The following SETD2 variants were observed in gnomAD, a reference collection of about 807,000 sequenced individuals.
The protein encoded by SETD2 is histone-lysine N-methyltransferase SETD2.
A neutral mutation model predicts 242.1 loss-of-function variants in SETD2; 31 were observed. That is an observed-to-expected ratio of 0.13 (90% CI 0.10 to 0.17). The LOEUF (loss-of-function observed/expected upper bound fraction) is 0.17, where lower values mean the gene tolerates loss of function less well. SETD2 is among the 10% of genes least tolerant of loss of function. The pLI, the probability that SETD2 is intolerant of heterozygous loss-of-function variation, is 1.00. For synonymous variants in SETD2, 1,006 were observed against 1,066.5 expected, an observed-to-expected ratio of 0.94 and a Z score of 1.11; for missense variants, 2,481 against 3,046.3, an observed-to-expected ratio of 0.81 and a Z score of 4.37.
chr3:47,029,314 T>A (rs1050066708), intron 18 of SETD2, among the ~76,000 whole-genome samples: 1 of 151,846 alleles, frequency 6.6e-6, no homozygotes, highest in East Asian at 1.9e-4. Flanking sequence ...TGCTTTGGCA[T>A]CCCAAAGTGC....
At position 47,084,211 on chromosome 3, in the gene SETD2, T is replaced by A; in HGVS notation, c.5569A>T (p.Thr1857Ser). 1.2e-6 allele frequency: 2 copies of A among 1,614,118 alleles called. No homozygotes were observed. The highest frequency in any genetic ancestry group is 1.7e-6 in the Non-Finnish European group (2 of 1,180,012). ...NTSRAHTPLN[T>S]PDPSTKLSTE... ...CTCAGCTTGGTGGAAGGATCAGGTG[T>A]GTTGAGTGGTGTATGAGCACGCGAT... Residue 1857 changes from threonine to serine, a missense_variant, in exon 12 of 21, where the codon ACA (threonine) becomes TCA (serine). By Grantham distance (58) the Thr-to-Ser change is moderately conservative. Transcript: ENST00000409792.
chr3:47,162,957 T>A (rs543288833), intron 1 of SETD2, among the ~76,000 whole-genome samples: 2 of 152,194 alleles, frequency 1.3e-5, no homozygotes, highest in Non-Finnish European at 2.9e-5. Flanking sequence ...GTGTGTCGGT[T>A]TTCCACAACA....
At position 47,130,876 on chromosome 3, in the gene SETD2, T is replaced by A. The variant is rs1034761417; in HGVS notation, c.72-4213A>T. On this transcript the variant is annotated intron_variant, in intron 1 of 20. Coordinates refer to ENST00000409792, the MANE Select transcript of SETD2 (RefSeq NM_014159.7). ...GAATTATATATTTAAAGAATCCATA[T>A]CAACACGAAGATAAATCTCTATTAG... Among the ~76,000 whole-genome samples, 4 of 152,106 alleles carry A rather than the reference T, an allele frequency of 2.6e-5. No homozygotes were observed. The South Asian group carries it at 8.3e-4, about 31-fold the overall frequency.
intron 1 of SETD2, among the ~76,000 whole-genome samples, chr3:47,139,300 G>A (rs941009057): frequency 2.8e-4 from 42 of 152,178 alleles, no homozygotes; most frequent in African/African-American, 9.2e-4. Flanking sequence ...TGAATGTCTA[G>A]TAGGTACTCA....
At chr3:47,095,303 T>G (rs2041964480) in intron 9 of SETD2, among the ~76,000 whole-genome samples, 1 of 151,600 alleles carries the variant, frequency 6.6e-6, no homozygotes, top group Non-Finnish European at 1.5e-5. Flanking sequence ...GCCCAGCAAA[T>G]TTTTGTATTT....
At chr3:47,163,694 G>A (rs968593179) in intron 1 of SETD2, 160 bp downstream of exon 1, 11 of 554,470 alleles carry the variant, frequency 2.0e-5, no homozygotes, top group African/African-American at 1.4e-4. Context: ...CAAGCGGCTC[G>A]AAGTGGCGGC....
intron 1 of SETD2, among the ~76,000 whole-genome samples, chr3:47,150,935 A>G (rs1416916609): frequency 6.8e-6 from 1 of 146,914 alleles, no homozygotes; most frequent in Non-Finnish European, 1.5e-5. Flanking sequence ...AAAAAAAAAA[A>G]GAAAGAAAAA....
chr3:47,141,774 T>C (rs1299824001), intron 1 of SETD2, among the ~76,000 whole-genome samples: 2 of 152,146 alleles, frequency 1.3e-5, no homozygotes, highest in Non-Finnish European at 2.9e-5. Flanking sequence ...CAAAACACAT[T>C]AAAAAACAAT....
At chr3:47,095,310 ATT>A (rs1230585565) in intron 9 of SETD2, among the ~76,000 whole-genome samples, 1 of 151,712 alleles carries the variant, frequency 6.6e-6, no homozygotes, top group Non-Finnish European at 1.5e-5. Flanking sequence ...AAATTTTTGT[ATT>A]TTTAGTAGAG....
intron 1 of SETD2, among the ~76,000 whole-genome samples, chr3:47,150,066 T>C (rs2043949895): frequency 7.5e-6 from 1 of 132,666 alleles, no homozygotes; most frequent in African/African-American, 2.9e-5. Context: ...AGTCTCGCTC[T>C]GTTGCCAGGC....
intron 14 of SETD2, among the ~76,000 whole-genome samples, chr3:47,060,182 G>A (rs138756717): frequency 1.3e-5 from 2 of 152,262 alleles, no homozygotes; most frequent in Non-Finnish European, 2.9e-5. Flanking sequence ...GCCTGAGCTG[G>A]TGCAGGTAAA....
chr3:47,145,324 AAG>A (rs1459259164), intron 1 of SETD2, among the ~76,000 whole-genome samples: 1 of 152,204 alleles, frequency 6.6e-6, no homozygotes, highest in Admixed American at 6.6e-5. Flanking sequence ...ACATGGCCTG[AAG>A]GTAATTTTAT....
At chr3:47,061,143 G>A (rs570025319) in intron 14 of SETD2, among the ~76,000 whole-genome samples, 7 of 152,166 alleles carry the variant, frequency 4.6e-5, no homozygotes, top group South Asian at 2.1e-4. Flanking sequence ...GCGTGAACCC[G>A]GGAGGCGGAG....
In SETD2 at chr3:47,123,477, T is replaced by G. The variant is rs1227947168; in HGVS notation, c.1159A>C (p.Thr387Pro). 6.4e-7 allele frequency: 1 copy of G among 1,551,262 alleles called. No homozygotes were observed. The highest frequency in any genetic ancestry group is 8.7e-7 in the Non-Finnish European group (1 of 1,146,904). ...YFSYSKLERDTRYVSSRCRSE... is the reference protein window; with the variant it reads ...YFSYSKLERDPRYVSSRCRSE... ...CTACATCGGGAAGATACATACCGAG[T>G]ATCTCTTTCAAGTTTTGAATAGCTA... Residue 387 changes from threonine (T) to proline (P), a missense_variant, in exon 3 of 21, where the codon ACT (threonine) becomes CCT (proline). Transcript: ENST00000409792.
Position 47,066,023 on chromosome 3 carries a change from T to C in SETD2, c.6109+1047A>G, listed in dbSNP as rs540387480. On this transcript the variant is annotated intron_variant, in intron 13 of 20. Transcript: ENST00000409792. ...TTTGAACTGGATGAAAGTCCACTTA[T>C]ATGTGGATTTTCTTCTAACTGTGCC... Among the ~76,000 whole-genome samples, 7 of 152,280 alleles carry C rather than the reference T, an allele frequency of 4.6e-5. No homozygotes were observed. The East Asian group carries it at 1.4e-3, about 29-fold the overall frequency.
intron 1 of SETD2, among the ~76,000 whole-genome samples, chr3:47,154,553 C>G (rs894008809): frequency 1.3e-5 from 2 of 152,000 alleles, no homozygotes; most frequent in African/African-American, 4.8e-5. Flanking sequence ...GAAAAGATCT[C>G]GAAAAATACA....
At position 47,037,592 on chromosome 3, in the gene SETD2, A is replaced by ATCCC. The variant is rs1368447271; in HGVS notation, c.7350+70_7350+73dup. 5 of 1,094,578 alleles carry ATCCC rather than the reference A, an allele frequency of 4.6e-6. No homozygotes were observed. The African/African-American group carries it at 7.7e-5, about 17-fold the overall frequency. The allele number at this position is 1,094,578 out of a possible 1,614,324, so 67.8% of individuals were successfully genotyped here. ...TATTTTTCAGAATAAAGAAAAAAGA[A>ATCCC]TCCCAAGACCATGCGGGATGGTCTT... On this transcript the variant is annotated intron_variant, in intron 18 of 20. Transcript: ENST00000409792.
At chr3:47,039,711 C>CAAAAAA (rs554753105) in intron 17 of SETD2, among the ~76,000 whole-genome samples, 1 of 101,604 alleles carries the variant, frequency 9.8e-6, no homozygotes, top group Non-Finnish European at 1.9e-5. Context: ...ACCGAAAATA[C>CAAAAAA]AAAAAAAAAA....
intron 1 of SETD2, among the ~76,000 whole-genome samples, chr3:47,152,998 A>G (rs1167070280): frequency 1.3e-5 from 2 of 152,198 alleles, no homozygotes; most frequent in African/African-American, 4.8e-5. Flanking sequence ...TCAGCTGGAA[A>G]AAAGACTGAA....
Sources: gnomAD v4.1 joint callset for allele counts (sites outside exome capture counted in the v4.1 genomes callset) on GRCh38, gnomAD v4.1.1 for gene constraint, MANE v1.5 for transcripts, NCBI Gene and HGNC (gene_info 2026-07-23, HGNC 2026-07-21) for gene names.